SH3KBP1: variants seen among roughly 807,000 people sequenced by gnomAD.
SH3KBP1 encodes SH3 domain-containing kinase-binding protein 1.
SH3KBP1 carries 8 observed loss-of-function variants against 50.1 expected under a neutral mutation model. The observed-to-expected ratio is 0.16, with a 90% CI of 0.09 to 0.29. The LOEUF (loss-of-function observed/expected upper bound fraction) is 0.29, where lower values mean the gene tolerates loss of function less well. SH3KBP1 is among the 10% of genes least tolerant of loss of function. SH3KBP1 has a pLI of 1.00. For synonymous variants in SH3KBP1, 227 were observed against 218.6 expected (o/e 1.04, Z -0.34); for missense variants, 377 against 535.2 (o/e 0.70, Z 2.92).
At chrX:19,705,377 T>C (rs1252665375) in intron 4 of SH3KBP1, among the ~76,000 whole-genome samples, 1 of 112,224 alleles carries the variant, frequency 8.9e-6, no homozygotes, top group African/African-American at 3.2e-5. Flanking sequence ...ATTTTTCTTA[T>C]TAGTCACATC....
Position 19,579,407 on chromosome X carries a change from T to A in SH3KBP1, c.1298+9236A>T, listed in dbSNP as rs367665899. Reference sequence around the variant, plus strand: ...TGCTGAGCCCCCATCTTGGGCAGTGTCTGGAGGAACGAGAATTCATCATCA... The same window carrying A: ...TGCTGAGCCCCCATCTTGGGCAGTGACTGGAGGAACGAGAATTCATCATCA... On this transcript the variant is annotated intron_variant, in intron 12 of 17. Transcript: ENST00000397821. 2.7e-5 allele frequency among the ~76,000 whole-genome samples: 3 copies of A among 112,025 alleles called. No individual in the cohort carries two copies. In the East Asian group the frequency reaches 8.4e-4, roughly 31 times the overall value.
At chrX:19,598,219 G>A (rs1296853813) in intron 9 of SH3KBP1, among the ~76,000 whole-genome samples, 1 of 106,510 alleles carries the variant, frequency 9.4e-6, no homozygotes. Context: ...CATATCATCA[G>A]CAAGTCTGTT....
chrX:19,712,744 T>C (rs772261417), intron 3 of SH3KBP1, among the ~76,000 whole-genome samples: 14 of 111,378 alleles, frequency 1.3e-4, no homozygotes, highest in Non-Finnish European at 2.6e-4. Flanking sequence ...CAAGTTAACA[T>C]TGCTAATCAT....
intron 2 of SH3KBP1, among the ~76,000 whole-genome samples, chrX:19,832,668 G>T (rs757395170): frequency 9.1e-6 from 1 of 109,336 alleles, no homozygotes; most frequent in Non-Finnish European, 1.9e-5. Flanking sequence ...AATCTCACTC[G>T]CATCCCTCCC....
intron 9 of SH3KBP1, among the ~76,000 whole-genome samples, chrX:19,599,572 C>A (rs922321843): frequency 8.9e-6 from 1 of 112,169 alleles, no homozygotes; most frequent in Non-Finnish European, 1.9e-5. Flanking sequence ...TTGCATCTAC[C>A]ACTCTTGATC....
chrX:19,704,823 A>G (rs921048587), intron 4 of SH3KBP1, among the ~76,000 whole-genome samples: 4 of 112,583 alleles, frequency 3.6e-5, no homozygotes, highest in African/African-American at 1.3e-4. Flanking sequence ...TGGCTTCACA[A>G]CGTTCTACTT....
intron 9 of SH3KBP1, among the ~76,000 whole-genome samples, chrX:19,607,475 G>T (rs979283570): frequency 2.7e-5 from 3 of 112,079 alleles, no homozygotes; most frequent in African/African-American, 6.5e-5. Flanking sequence ...ATATGTGCGG[G>T]TGTACTCACA....
At chrX:19,596,339 G>T (rs141589607) in intron 9 of SH3KBP1, among the ~76,000 whole-genome samples, 1 of 111,996 alleles carries the variant, frequency 8.9e-6, no homozygotes, top group African/African-American at 3.2e-5. Flanking sequence ...GTCTAAAAAA[G>T]CAATGTACGT....
Position 19,534,878 on chromosome X carries a change from T to C in SH3KBP1, c.*1539A>G. 2 of 297,766 alleles carry C rather than the reference T, an allele frequency of 6.7e-6. No individual in the cohort carries two copies. The highest frequency in any genetic ancestry group is 1.2e-5 in the Non-Finnish European group (2 of 170,406). The allele number at this position is 297,766 out of a possible 1,213,427, so 24.5% of individuals were successfully genotyped here. On this transcript the variant is annotated 3_prime_UTR_variant, in exon 18 of 18. Transcript: ENST00000397821. Reference sequence around the variant, plus strand: ...AGGAAGAGAAAGGAAGAGACATTTATTTGTAATACTATCAATGATCAGTAA... The same window carrying C: ...AGGAAGAGAAAGGAAGAGACATTTACTTGTAATACTATCAATGATCAGTAA...
intron 1 of SH3KBP1, among the ~76,000 whole-genome samples, chrX:19,839,214 A>G (rs1362916153): frequency 1.8e-5 from 2 of 110,696 alleles, no homozygotes; most frequent in African/African-American, 6.6e-5. Context: ...GTGTTTCAAA[A>G]GTTTGTTAAG....
chrX:19,763,820 G>A (rs888852343), intron 2 of SH3KBP1, among the ~76,000 whole-genome samples: 3 of 109,168 alleles, frequency 2.7e-5, no homozygotes, highest in Non-Finnish European at 5.7e-5. Flanking sequence ...TACGGAGTTC[G>A]AGACCAGCCT....
At chrX:19,668,968 A>ATATATATATATATG (rs2062706470) in intron 6 of SH3KBP1, among the ~76,000 whole-genome samples, 1 of 52,769 alleles carries the variant, frequency 1.9e-5, no homozygotes, top group Non-Finnish European at 3.3e-5. Flanking sequence ...ATATATATAT[A>ATATATATATATATG]TATATATTTT....
intron 2 of SH3KBP1, among the ~76,000 whole-genome samples, chrX:19,825,674 G>A (rs1218570828): frequency 2.7e-5 from 3 of 111,567 alleles, no homozygotes; most frequent in African/African-American, 9.8e-5. Context: ...AGGAATTTGA[G>A]ACCAGACTGG....
intron 1 of SH3KBP1, among the ~76,000 whole-genome samples, chrX:19,883,364 G>A (rs1284770900): frequency 8.9e-6 from 1 of 112,577 alleles, no homozygotes; most frequent in African/African-American, 3.2e-5. Flanking sequence ...CTGACTTCAT[G>A]GTTCTCAGCA....
chrX:19,759,481 G>A (rs1441881511), intron 2 of SH3KBP1, among the ~76,000 whole-genome samples: 1 of 112,261 alleles, frequency 8.9e-6, no homozygotes, highest in African/African-American at 3.2e-5. Context: ...CCTGTTTACT[G>A]GTTGTTGAAA....
intron 2 of SH3KBP1, among the ~76,000 whole-genome samples, chrX:19,829,790 C>T (rs1403449813): frequency 1.8e-5 from 2 of 110,524 alleles, no homozygotes; most frequent in Non-Finnish European, 3.8e-5. Flanking sequence ...GGCAGAGCAG[C>T]CCCGAGAGCT....
intron 2 of SH3KBP1, among the ~76,000 whole-genome samples, chrX:19,815,243 G>A (rs763679856): frequency 5.4e-5 from 6 of 111,540 alleles, no homozygotes; most frequent in South Asian, 3.8e-4. Context: ...CCTGGGCATC[G>A]GGATTTTTAA....
intron 2 of SH3KBP1, among the ~76,000 whole-genome samples, chrX:19,835,297 C>T (rs868064267): frequency 9.1e-6 from 1 of 110,340 alleles, no homozygotes; most frequent in South Asian, 3.8e-4. Flanking sequence ...CCATGCCTGG[C>T]TAATTATTTT....
chrX:19,620,194 T>C (rs1292601794), intron 8 of SH3KBP1, among the ~76,000 whole-genome samples: 4 of 111,856 alleles, frequency 3.6e-5, no homozygotes, highest in Non-Finnish European at 5.6e-5. Context: ...TTTTAAGAGA[T>C]TTTCTTAGCT....
Sources: allele counts gnomAD v4.1 joint callset (sites outside exome capture counted in the v4.1 genomes callset), GRCh38; gene constraint gnomAD v4.1.1; transcripts MANE v1.5; gene names NCBI Gene and HGNC (gene_info 2026-07-23, HGNC 2026-07-21).